CDH18: variants seen among roughly 807,000 people sequenced by gnomAD.
CDH18 encodes the protein cadherin 18.
CDH18 carries 31 observed loss-of-function variants against 67.9 expected under a neutral mutation model. The ratio of observed to expected loss-of-function variants is 0.46; its 90% CI spans 0.34 to 0.62. CDH18 has a LOEUF of 0.62. Among genes scored for constraint, CDH18 ranks in the 20% least tolerant of loss-of-function variants. The pLI is 0.01. For synonymous variants in CDH18, 362 were observed against 347.2 expected, an observed-to-expected ratio of 1.04 and a Z score of -0.48; for missense variants, 890 against 975.5, an observed-to-expected ratio of 0.91 and a Z score of 1.17.
Position 19,692,832 on chromosome 5 carries a change from G to GA in CDH18, c.643+28514dup, listed in dbSNP as rs762895138. ...TGTACAACAACATGGAAATTTCCCA[G>GA]AAAAAAAAAACTTAAAAATAAAACT... is the stretch of plus-strand genomic sequence containing the variant. On this transcript the variant is annotated intron_variant, in intron 5 of 12. Transcript: ENST00000382275. Among the ~76,000 whole-genome samples the GA allele has an allele frequency of 3.7e-3, 548 of 146,144 alleles. 5 individuals carry two copies. In the East Asian group the frequency reaches 0.042, roughly 11 times the overall value.
intron 2 of CDH18, among the ~76,000 whole-genome samples, chr5:20,204,119 A>G (rs1344935129): frequency 2.0e-5 from 3 of 152,096 alleles, no homozygotes; most frequent in African/African-American, 7.2e-5. Flanking sequence ...CTTGAGAAAC[A>G]TATACACATC....
chr5:19,978,025 A>C (rs1798670578), intron 2 of CDH18, among the ~76,000 whole-genome samples: 1 of 152,074 alleles, frequency 6.6e-6, no homozygotes, highest in African/African-American at 2.4e-5. Flanking sequence ...TGCACTACAA[A>C]AGTAAAAAGC....
intron 2 of CDH18, among the ~76,000 whole-genome samples, chr5:19,892,243 A>G (rs1030589992): frequency 1.4e-5 from 2 of 143,680 alleles, no homozygotes; most frequent in African/African-American, 6.0e-5. Flanking sequence ...TTAATAAAGG[A>G]CAAGTATATC....
intron 1 of CDH18, among the ~76,000 whole-genome samples, chr5:20,471,348 A>C (rs1752055546): frequency 6.6e-6 from 1 of 152,080 alleles, no homozygotes; most frequent in Non-Finnish European, 1.5e-5. Flanking sequence ...GTAGCTTCTA[A>C]ACTGGTTTCC....
intron 2 of CDH18, among the ~76,000 whole-genome samples, chr5:20,167,725 G>A (rs1736401971): frequency 6.6e-6 from 1 of 152,136 alleles, no homozygotes; most frequent in East Asian, 1.9e-4. Context: ...GGAACAAGGT[G>A]GAGAAAGTAA....
chr5:20,498,155 C>T (rs900205212), intron 1 of CDH18, among the ~76,000 whole-genome samples: 1 of 152,028 alleles, frequency 6.6e-6, no homozygotes, highest in African/African-American at 2.4e-5. Flanking sequence ...CAAGACAATC[C>T]TTATTTAGTG....
Position 19,946,460 on chromosome 5 carries a change from G to A in CDH18, c.-257+34600C>T, listed in dbSNP as rs373291627. On this transcript the variant is annotated intron_variant, in intron 2 of 12. Transcript: ENST00000382275. ...TGCAATAGACTGTGTTACTCCTTAT[G>A]AGTTTTTTAGACCCTATTTCCCTGC... is the stretch of plus-strand genomic sequence containing the variant. Among the ~76,000 whole-genome samples, 91 of 152,240 alleles carry A rather than the reference G, an allele frequency of 6.0e-4. No homozygotes were observed. The South Asian group carries it at 0.016, about 27-fold the overall frequency.
intron 2 of CDH18, among the ~76,000 whole-genome samples, chr5:20,067,271 T>C (rs1349464564): frequency 6.6e-6 from 1 of 151,588 alleles, no homozygotes; most frequent in Non-Finnish European, 1.5e-5. Context: ...AGACCAGTTT[T>C]TTAGTTCATT....
chr5:20,406,206 G>GGATT (rs1746236979), intron 1 of CDH18, among the ~76,000 whole-genome samples: 2 of 152,136 alleles, frequency 1.3e-5, no homozygotes, highest in African/African-American at 4.8e-5. Flanking sequence ...ATGATAGACT[G>GGATT]GATTAAGAAA....
intron 6 of CDH18, among the ~76,000 whole-genome samples, chr5:19,603,505 A>G (rs185394702): frequency 3.7e-4 from 56 of 152,204 alleles, no homozygotes; most frequent in African/African-American, 1.3e-3. Flanking sequence ...AGTTGTTAAA[A>G]GGATAAATAT....
rs1474813832 is a variant in CDH18 at position 19,473,230 on chromosome 5, GT to G, written c.2368del (p.Thr790LeufsTer16). The G allele has an allele frequency of 6.2e-7, 1 of 1,612,420 alleles. No homozygotes were observed. The highest frequency in any genetic ancestry group is 8.5e-7 in the Non-Finnish European group (1 of 1,179,092). ...LYGEIESERT[T>X] The stretch of plus-strand genomic sequence containing the variant: ...AAGGTTGCAAGAACTGACCCCCTAA[GT>G]TGTTCTTTCAGATTCTATTTCTCCA... On this transcript the variant is annotated frameshift_variant, in exon 13 of 13. Coordinates refer to ENST00000382275, the MANE Select transcript of CDH18 (RefSeq NM_004934.5). LOFTEE classifies it high-confidence loss of function.
chr5:20,465,906 A>AGT (rs1177184413), intron 1 of CDH18, among the ~76,000 whole-genome samples: 200 of 152,174 alleles, frequency 1.3e-3, no homozygotes, highest in Non-Finnish European at 2.5e-3. Flanking sequence ...CAGTAATTTA[A>AGT]AATATCAGTT....
chr5:19,479,497 C>T (rs775617997), intron 12 of CDH18, among the ~76,000 whole-genome samples: 6 of 152,126 alleles, frequency 3.9e-5, no homozygotes, highest in African/African-American at 1.2e-4. Context: ...CGAATCAATG[C>T]CATGAAAAGC....
At position 20,115,532 on chromosome 5, in the gene CDH18, C is replaced by T. The variant is rs566067736; in HGVS notation, c.-517-123518G>A. ...GATCTCATGATCCACCCGCCTCAGC[C>T]TCTTAAAGTGCTGGGATTACAGGTG... On this transcript the variant is annotated intron_variant, in intron 2 of 14. Coordinates refer to the CDH18 transcript ENST00000507958. Among the ~76,000 whole-genome samples, 6 of 152,006 alleles carry T rather than the reference C, an allele frequency of 3.9e-5. No homozygotes were observed. The South Asian group carries it at 1.2e-3, about 32-fold the overall frequency.
intron 3 of CDH18, among the ~76,000 whole-genome samples, chr5:19,834,906 C>T (rs1781454405): frequency 6.6e-6 from 1 of 152,064 alleles, no homozygotes; most frequent in African/African-American, 2.4e-5. Context: ...AATAGGAACA[C>T]ATTTACACTG....
rs377614192 is a variant in CDH18, at chr5:19,503,764, A to C, written c.1513-655T>G. Among the ~76,000 whole-genome samples the C allele has an allele frequency of 3.2e-4, 49 of 152,268 alleles. No homozygotes were observed. The East Asian group carries it at 5.0e-3, about 16-fold the overall frequency. On this transcript the variant is annotated intron_variant, in intron 10 of 12. Coordinates refer to ENST00000382275, the MANE Select transcript of CDH18 (RefSeq NM_004934.5). ...GGACTTAATGTACACTAAAAAGCAG[A>C]GTAAGTTAGAATTTATGGTGGCCCA...
intron 3 of CDH18, among the ~76,000 whole-genome samples, chr5:19,769,426 A>T (rs1773480516): frequency 6.6e-6 from 1 of 152,092 alleles, no homozygotes; most frequent in Non-Finnish European, 1.5e-5. Context: ...AACTACTATC[A>T]ACTAAAGTTC....
chr5:20,056,473 C>CTTTTTTTTTTTTTTTTTTTTTTTTTTTT (rs1561754004), intron 2 of CDH18, among the ~76,000 whole-genome samples: 1 of 13,564 alleles, frequency 7.4e-5, no homozygotes, highest in African/African-American at 2.8e-4. Context: ...TATTTTCTTT[C>CTTTTTTTTTTTTTTTTTTTTTTTTTTTT]TTTTGTTTTT....
At chr5:19,935,396 T>C (rs1384293767) in intron 2 of CDH18, among the ~76,000 whole-genome samples, 1 of 151,358 alleles carries the variant, frequency 6.6e-6, no homozygotes, top group Non-Finnish European at 1.5e-5. Context: ...ACAGTGGTCC[T>C]ATAAGATTTT....
Sources: gnomAD v4.1 joint callset for allele counts (sites outside exome capture counted in the v4.1 genomes callset) on GRCh38, gnomAD v4.1.1 for gene constraint, MANE v1.5 for transcripts, NCBI Gene and HGNC (gene_info 2026-07-23, HGNC 2026-07-21) for gene names.